Variants in KCNN2 observed in about 807,000 individuals in gnomAD.
The protein encoded by KCNN2 is small conductance calcium-activated potassium channel protein 2.
A neutral mutation model predicts 55.5 loss-of-function variants in KCNN2; 24 were observed. The ratio of observed to expected loss-of-function variants is 0.43; its 90% CI spans 0.31 to 0.61. The LOEUF is 0.61. Among genes scored for constraint, KCNN2 ranks in the 20% least tolerant of loss-of-function variants. The pLI, the probability that KCNN2 is intolerant of heterozygous loss-of-function variation, is 0.08. For synonymous variants in KCNN2, 431 were observed against 336.1 expected (o/e 1.28, Z -3.09); for missense variants, 754 against 853.6 (o/e 0.88, Z 1.45).
chr5:114,225,224 A>G (rs1293478545), intron 2 of KCNN2, among the ~76,000 whole-genome samples: 4 of 152,216 alleles, frequency 2.6e-5, no homozygotes, highest in African/African-American at 9.7e-5. Context: ...AGATCTCATT[A>G]ATTAATTTAA....
chr5:114,439,073 A>G (rs1003144346), intron 3 of KCNN2, among the ~76,000 whole-genome samples: 1 of 152,228 alleles, frequency 6.6e-6, no homozygotes, highest in African/African-American at 2.4e-5. Flanking sequence ...CTGAAATTTC[A>G]TATTCAGTAA....
chr5:114,224,768 T>C (rs1278142081), intron 2 of KCNN2, among the ~76,000 whole-genome samples: 1 of 152,188 alleles, frequency 6.6e-6, no homozygotes, highest in Non-Finnish European at 1.5e-5. Context: ...CCATGGGCTG[T>C]TACAGCTTGC....
chr5:114,263,864 A>G (rs1314751920), intron 2 of KCNN2, among the ~76,000 whole-genome samples: 2 of 152,088 alleles, frequency 1.3e-5, no homozygotes, highest in African/African-American at 4.8e-5. Context: ...CAAAGAGGCT[A>G]TTGTCCAAAT....
exon 1 of KCNN2, chr5:114,056,449 T>C (rs1438836932): frequency 1.0e-5 from 4 of 398,506 alleles, no homozygotes; most frequent in Non-Finnish European, 8.8e-6. Context: ...ATTTACCGCT[T>C]TGAGGCAAAT....
chr5:114,266,316 A>G (rs984657698), intron 2 of KCNN2, among the ~76,000 whole-genome samples: 3 of 152,254 alleles, frequency 2.0e-5, no homozygotes, highest in Non-Finnish European at 2.9e-5. Context: ...CTGTTGTAGA[A>G]TGCTCTATCT....
At chr5:114,108,101 T>C (rs1751525214) in intron 1 of KCNN2, among the ~76,000 whole-genome samples, 1 of 151,328 alleles carries the variant, frequency 6.6e-6, no homozygotes, top group Non-Finnish European at 1.5e-5. Flanking sequence ...ATCTTTATTT[T>C]CTTTTTTTGA....
chr5:114,382,863 C>T (rs565679164), intron 2 of KCNN2, among the ~76,000 whole-genome samples: 1 of 152,360 alleles, frequency 6.6e-6, no homozygotes, highest in East Asian at 1.9e-4. Context: ...CCTGTCTGCT[C>T]ATGTTCAGAA....
intron 1 of KCNN2, among the ~76,000 whole-genome samples, chr5:114,180,496 A>G (rs879347838): frequency 6.6e-6 from 1 of 152,174 alleles, no homozygotes; most frequent in Non-Finnish European, 1.5e-5. Context: ...TTATTTTAAT[A>G]ATACTTTTAA....
intron 1 of KCNN2, among the ~76,000 whole-genome samples, chr5:114,214,369 G>A (rs1264882286): frequency 1.3e-5 from 2 of 151,972 alleles, no homozygotes; most frequent in African/African-American, 4.8e-5. Flanking sequence ...TGACTTAGAT[G>A]ATGATAATTT....
At chr5:114,060,034 A>C (rs1230117979) in intron 1 of KCNN2, among the ~76,000 whole-genome samples, 1 of 152,238 alleles carries the variant, frequency 6.6e-6, no homozygotes, top group Admixed American at 6.5e-5. Flanking sequence ...AACAGTCCCT[A>C]ACAGCCCTAG....
chr5:114,462,997 T>TATC, intron 3 of KCNN2, 52 bp from the exon 4 acceptor site: 1 of 1,549,480 alleles, frequency 6.5e-7, no homozygotes, highest in East Asian at 2.3e-5. Flanking sequence ...CACACTTAAC[T>TATC]ATCATATTGG....
At chr5:114,265,681 CA>C (rs1755195975) in intron 2 of KCNN2, among the ~76,000 whole-genome samples, 1 of 152,280 alleles carries the variant, frequency 6.6e-6, no homozygotes, top group South Asian at 2.1e-4. Context: ...TCCGTGGCTT[CA>C]AATGCTAATC....
At chr5:114,436,337 A>C (rs1336850855) in intron 3 of KCNN2, among the ~76,000 whole-genome samples, 3 of 152,214 alleles carry the variant, frequency 2.0e-5, no homozygotes, top group Non-Finnish European at 4.4e-5. Flanking sequence ...ATAGTCTGTA[A>C]CACAGTTTTT....
intron 2 of KCNN2, among the ~76,000 whole-genome samples, chr5:114,256,930 C>A (rs765096501): frequency 3.3e-5 from 5 of 152,136 alleles, no homozygotes; most frequent in Non-Finnish European, 5.9e-5. Flanking sequence ...ATAATGAATT[C>A]TTTTCCTAGG....
At chr5:114,143,537 G>T (rs1217547514) in intron 1 of KCNN2, among the ~76,000 whole-genome samples, 1 of 152,076 alleles carries the variant, frequency 6.6e-6, no homozygotes, top group East Asian at 1.9e-4. Context: ...CTATGAACAG[G>T]TGCCCCTCGT....
At chr5:114,151,017 G>T (rs1016604034) in intron 1 of KCNN2, among the ~76,000 whole-genome samples, 2 of 152,002 alleles carry the variant, frequency 1.3e-5, no homozygotes, top group African/African-American at 4.8e-5. Context: ...GTGAAACTGT[G>T]TCTCAAAACA....
chr5:114,369,669 C>T (rs1310365904), intron 2 of KCNN2, among the ~76,000 whole-genome samples: 3 of 152,128 alleles, frequency 2.0e-5, no homozygotes, highest in African/African-American at 7.2e-5. Context: ...GTCCCTTTGA[C>T]TTTGTGTATA....
rs757818231 is a variant in KCNN2 at position 114,496,148 on chromosome 5, C to T, written c.2342C>T (p.Ser781Phe). Residue 781 changes from serine (S) to phenylalanine (F), a missense_variant, in exon 8 of 8, where the codon TCC becomes TTC. Ser to Phe is a radical substitution (Grantham distance 155). This residue lies in a region of KCNN2 where 164 missense variants were observed against 156.6 expected (regional missense o/e 1.05). Coordinates refer to ENST00000673685, the MANE Select transcript of KCNN2 (RefSeq NM_021614.4). ...RSSSRRRRSS[S>F]TAPPTSSESS is the part of the protein sequence containing the mutation. ...TCGTCCAGGAGGCGGCGGTCCTCTT[C>T]CACAGCACCACCAACTTCATCAGAG... is the stretch of plus-strand genomic sequence containing the variant. 8.7e-6 allele frequency: 14 copies of T among 1,613,962 alleles called. No individual in the cohort carries two copies. The East Asian group carries it at 1.3e-4, about 15-fold the overall frequency.
At chr5:114,182,669 A>G (rs1403524358) in intron 1 of KCNN2, among the ~76,000 whole-genome samples, 1 of 152,102 alleles carries the variant, frequency 6.6e-6, no homozygotes, top group Non-Finnish European at 1.5e-5. Flanking sequence ...TTCATATTCC[A>G]ACTGTTAGCT....
Sources: allele counts gnomAD v4.1 joint callset (sites outside exome capture counted in the v4.1 genomes callset), GRCh38; gene constraint gnomAD v4.1.1; regional missense constraint gnomAD v4.1.1; transcripts MANE v1.5; gene names NCBI Gene and HGNC (gene_info 2026-07-23, HGNC 2026-07-21).